PTPRN2: variants seen among roughly 807,000 people sequenced by gnomAD.
The protein encoded by PTPRN2 is receptor-type tyrosine-protein phosphatase N2.
A neutral mutation model predicts 118.8 loss-of-function variants in PTPRN2; 74 were observed. The ratio of observed to expected loss-of-function variants is 0.62; its 90% CI spans 0.52 to 0.76. The LOEUF is 0.76. PTPRN2 is among the 30% of genes least tolerant of loss of function. PTPRN2 has a pLI of 0.00. For synonymous variants in PTPRN2, 641 were observed against 608.0 expected, an observed-to-expected ratio of 1.05 and a Z score of -0.80; for missense variants, 1,481 against 1,394.4, an observed-to-expected ratio of 1.06 and a Z score of -0.99.
intron 12 of PTPRN2, among the ~76,000 whole-genome samples, chr7:157,875,014 G>A (rs913117388): frequency 1.1e-5 from 1 of 94,144 alleles, no homozygotes; most frequent in Non-Finnish European, 2.4e-5. Flanking sequence ...CATGCACACA[G>A]ACACACAGAC....
chr7:157,854,783 G>A, intron 12 of PTPRN2: 1 of 154,134 alleles, frequency 6.5e-6, no homozygotes, highest in Non-Finnish European at 1.4e-5. Context: ...GGGCTGGGAG[G>A]AGGCCCAGGA....
intron 14 of PTPRN2, among the ~76,000 whole-genome samples, chr7:157,625,690 T>G (rs551014027): frequency 2.0e-5 from 3 of 152,198 alleles, no homozygotes; most frequent in African/African-American, 4.8e-5. Flanking sequence ...AACTTATTCA[T>G]GTAACTAAAT....
At chr7:158,511,744 G>T (rs956569772) in intron 1 of PTPRN2, among the ~76,000 whole-genome samples, 1 of 152,184 alleles carries the variant, frequency 6.6e-6, no homozygotes, top group Non-Finnish European at 1.5e-5. Flanking sequence ...ACAGCTCCTT[G>T]GGTACAAACG....
chr7:158,155,232 G>C (rs1821593889), intron 6 of PTPRN2, among the ~76,000 whole-genome samples: 2 of 152,284 alleles, frequency 1.3e-5, no homozygotes, highest in African/African-American at 4.8e-5. Context: ...GAAATTATAT[G>C]TCATTGTAGG....
At chr7:158,313,624 T>C (rs1355661325) in intron 3 of PTPRN2, among the ~76,000 whole-genome samples, 3 of 152,044 alleles carry the variant, frequency 2.0e-5, no homozygotes, top group African/African-American at 7.2e-5. Flanking sequence ...CCTATCCCCA[T>C]GTGGGGCTGC....
chr7:158,319,494 T>TCCCTCACA (rs1563131507), intron 2 of PTPRN2, among the ~76,000 whole-genome samples: 10 of 35,248 alleles, frequency 2.8e-4, no homozygotes, highest in African/African-American at 8.4e-4. Context: ...TCCCTCACAC[T>TCCCTCACA]CACACAGCCT....
At chr7:157,718,192 C>T (rs1434982527) in intron 12 of PTPRN2, among the ~76,000 whole-genome samples, 1 of 152,204 alleles carries the variant, frequency 6.6e-6, no homozygotes, top group Non-Finnish European at 1.5e-5. Context: ...ATGATAAGAT[C>T]AGAACAATTT....
chr7:158,301,990 C>T (rs562114712), intron 3 of PTPRN2, among the ~76,000 whole-genome samples: 139 of 152,256 alleles, frequency 9.1e-4, no homozygotes, highest in African/African-American at 3.1e-3. Context: ...GTATGACCTC[C>T]TCCAATCTAG....
intron 12 of PTPRN2, chr7:157,864,968 G>C (rs1810535882): frequency 6.6e-6 from 1 of 152,238 alleles, no homozygotes; most frequent in African/African-American, 2.4e-5. Context: ...TGGGGTCGTG[G>C]TAGGACCTGT....
chr7:158,564,853 G>T (rs534711995), intron 1 of PTPRN2, among the ~76,000 whole-genome samples: 393 of 152,368 alleles, frequency 2.6e-3, no homozygotes, highest in African/African-American at 9.0e-3. Flanking sequence ...AAAATGAAGG[G>T]TCACAGACGC....
chr7:157,643,173 T>C (rs1399593368), intron 14 of PTPRN2, among the ~76,000 whole-genome samples: 2 of 152,230 alleles, frequency 1.3e-5, no homozygotes, highest in African/African-American at 2.4e-5. Context: ...ACTCTTCCTA[T>C]AGACTCAGCC....
Position 157,649,649 on chromosome 7 carries a change from G to A in PTPRN2, c.2196+6708C>T, listed in dbSNP as rs1805490098. 3.1e-5 allele frequency among the ~76,000 whole-genome samples: 3 copies of A among 97,666 alleles called. No individual in the cohort carries two copies. The South Asian group carries it at 1.1e-3, about 35-fold the overall frequency. The allele number at this position is 97,666 out of a possible 152,430, so 64.1% of individuals were successfully genotyped here. On this transcript the variant is annotated intron_variant, in intron 14 of 22. Coordinates refer to ENST00000389418, the MANE Select transcript of PTPRN2 (RefSeq NM_002847.5). ...CCATTCACTGTGCACTGAACTCGGT[G>A]GGTCGGACCCATCCAGCGTGCACTG...
At chr7:158,149,962 A>T (rs1820789597) in intron 6 of PTPRN2, among the ~76,000 whole-genome samples, 1 of 152,210 alleles carries the variant, frequency 6.6e-6, no homozygotes, top group Non-Finnish European at 1.5e-5. Context: ...AAAAATAGAA[A>T]GTAAGCAACA....
chr7:158,347,045 C>T (rs1807565438), intron 2 of PTPRN2, among the ~76,000 whole-genome samples: 1 of 152,098 alleles, frequency 6.6e-6, no homozygotes, highest in Non-Finnish European at 1.5e-5. Context: ...TCTCCCCATC[C>T]TTAGGTTGTC....
rs1802872970 is a variant in PTPRN2 at position 157,977,912 on chromosome 7, G to A, written c.1724-79175C>T. 6.6e-6 allele frequency among the ~76,000 whole-genome samples: 1 copy of A among 151,844 alleles called. No individual in the cohort carries two copies. Among genetic ancestry groups the A allele is most frequent in the South Asian group, 2.1e-4 (1 of 4,816 alleles). On this transcript the variant is annotated intron_variant, in intron 11 of 22. Coordinates refer to ENST00000389418, the MANE Select transcript of PTPRN2 (RefSeq NM_002847.5). This position sits in a 1 kb window ranked among gnomAD's most constrained non-coding sequence, Gnocchi z 4.6. ...GAGGGAAGGAGGTCAGCTTCCCGAT[G>A]TGTCTGTGGGCCGGCAGGACTCACC...
chr7:157,563,659 C>T (rs1213081836), intron 21 of PTPRN2, among the ~76,000 whole-genome samples: 11 of 146,502 alleles, frequency 7.5e-5, no homozygotes, highest in Admixed American at 4.1e-4. Context: ...ATCAGGACCA[C>T]GTGCTCCCGC....
chr7:157,922,188 A>C (rs1798727473), intron 11 of PTPRN2, among the ~76,000 whole-genome samples: 1 of 152,174 alleles, frequency 6.6e-6, no homozygotes, highest in Admixed American at 6.5e-5. Context: ...CTTTCAGGAG[A>C]ATTTTGAAGA....
intron 12 of PTPRN2, among the ~76,000 whole-genome samples, chr7:157,835,441 C>T (rs1402689431): frequency 6.6e-6 from 1 of 152,164 alleles, no homozygotes; most frequent in Non-Finnish European, 1.5e-5. Flanking sequence ...CAGTTCACAA[C>T]CGAACCCGCA....
intron 11 of PTPRN2, among the ~76,000 whole-genome samples, chr7:157,991,608 C>G (rs529418766): frequency 7.8e-4 from 119 of 152,322 alleles, no homozygotes; most frequent in Non-Finnish European, 1.3e-3. Context: ...CCTGTTAAAC[C>G]CTGGAGCTAG....
Sources: allele counts gnomAD v4.1 joint callset (sites outside exome capture counted in the v4.1 genomes callset), GRCh38; gene constraint gnomAD v4.1.1; non-coding constraint Gnocchi (gnomAD v3.1); transcripts MANE v1.5; gene names NCBI Gene and HGNC (gene_info 2026-07-23, HGNC 2026-07-21).